NKAIN3: variants seen among roughly 807,000 people sequenced by gnomAD.
NKAIN3 encodes sodium/potassium transporting ATPase interacting 3, also known as sodium/potassium-transporting ATPase subunit beta-1-interacting protein 3.
A neutral mutation model predicts 30.2 loss-of-function variants in NKAIN3; 25 were observed. The ratio of observed to expected loss-of-function variants is 0.83; its 90% CI spans 0.60 to 1.16. The LOEUF is 1.16. Ranked by LOEUF, NKAIN3 falls within the 50% of genes most tolerant of loss-of-function variation. The pLI is 0.00. For synonymous variants in NKAIN3, 91 were observed against 89.6 expected, an observed-to-expected ratio of 1.02 and a Z score of -0.09; for missense variants, 225 against 254.1, an observed-to-expected ratio of 0.89 and a Z score of 0.78.
At chr8:62,753,926 A>G (rs1376543338) in intron 4 of NKAIN3, among the ~76,000 whole-genome samples, 1 of 152,148 alleles carries the variant, frequency 6.6e-6, no homozygotes, top group Non-Finnish European at 1.5e-5. Flanking sequence ...GAAAGTAATA[A>G]CTATGTTAAT....
At chr8:62,619,036 TGGTGTTCAGA>T (rs1194809158) in intron 3 of NKAIN3, among the ~76,000 whole-genome samples, 1 of 152,186 alleles carries the variant, frequency 6.6e-6, no homozygotes, top group Non-Finnish European at 1.5e-5. Context: ...TTGGTGGTAA[TGGTGTTCAGA>T]GGCCTCAGAT....
intron 5 of NKAIN3, among the ~76,000 whole-genome samples, chr8:62,950,605 T>C (rs1225758343): frequency 6.6e-6 from 1 of 151,918 alleles, no homozygotes; most frequent in African/African-American, 2.4e-5. Flanking sequence ...GCAGAGAAGG[T>C]ATAGCCAAAA....
chr8:62,924,412 A>G lies in NKAIN3; in HGVS notation c.532+5899A>G, dbSNP rs1228500749. ...CATATTATTCACCAAGGCTGACCCCATTTCCTAACATAAAGGGAACCCTAC... is the reference window on the plus strand; with the variant it reads ...CATATTATTCACCAAGGCTGACCCCGTTTCCTAACATAAAGGGAACCCTAC... On this transcript the variant is annotated intron_variant, in intron 5 of 6. Coordinates refer to ENST00000623646, the MANE Select transcript of NKAIN3 (RefSeq NM_001304533.3). Among the ~76,000 whole-genome samples, 7 of 152,348 alleles carry G rather than the reference A, an allele frequency of 4.6e-5. No individual in the cohort carries two copies. The East Asian group carries it at 9.7e-4, about 21-fold the overall frequency.
intron 1 of NKAIN3, among the ~76,000 whole-genome samples, chr8:62,522,778 G>A (rs1808196916): frequency 1.3e-5 from 2 of 150,938 alleles, no homozygotes; most frequent in South Asian, 4.2e-4. Context: ...TATAAAATAA[G>A]AGAAGATATT....
intron 1 of NKAIN3, among the ~76,000 whole-genome samples, chr8:62,519,770 A>T (rs998565295): frequency 6.6e-6 from 1 of 152,166 alleles, no homozygotes; most frequent in Non-Finnish European, 1.5e-5. Context: ...AGCCAGTTGC[A>T]TTCAAAATAG....
chr8:62,652,163 T>A (rs919517105), intron 3 of NKAIN3, among the ~76,000 whole-genome samples: 3 of 152,082 alleles, frequency 2.0e-5, no homozygotes, highest in Admixed American at 1.3e-4. Context: ...CCAAATGCCA[T>A]CATCTTGGGG....
At chr8:62,339,590 T>G (rs1233443783) in intron 1 of NKAIN3, among the ~76,000 whole-genome samples, 1 of 152,092 alleles carries the variant, frequency 6.6e-6, no homozygotes, top group African/African-American at 2.4e-5. Flanking sequence ...AAGGGTTCTA[T>G]TTAGTTTTGT....
At chr8:62,549,390 A>C (rs186998358) in intron 1 of NKAIN3, among the ~76,000 whole-genome samples, 1 of 151,800 alleles carries the variant, frequency 6.6e-6, no homozygotes, top group Non-Finnish European at 1.5e-5. Context: ...TTAATTTAAA[A>C]TTTTTTTTTC....
intron 1 of NKAIN3, among the ~76,000 whole-genome samples, chr8:62,554,038 A>G (rs1809307848): frequency 6.6e-6 from 1 of 152,164 alleles, no homozygotes; most frequent in South Asian, 2.1e-4. Context: ...TTGTGTTAGT[A>G]GTTTCCTAAT....
At chr8:62,412,933 A>AAAAAAAG (rs1804304786) in intron 1 of NKAIN3, among the ~76,000 whole-genome samples, 4 of 145,232 alleles carry the variant, frequency 2.8e-5, no homozygotes, top group Non-Finnish European at 4.5e-5. Flanking sequence ...AAAAAAAAAA[A>AAAAAAAG]AACAGCAAAA....
chr8:62,571,447 T>G (rs1809935358), intron 1 of NKAIN3, among the ~76,000 whole-genome samples: 1 of 152,176 alleles, frequency 6.6e-6, no homozygotes, highest in African/African-American at 2.4e-5. Flanking sequence ...GTTGAGTGTC[T>G]GCAGCTTTTC....
chr8:62,889,934 A>T (rs1046911297), intron 4 of NKAIN3, among the ~76,000 whole-genome samples: 1 of 145,172 alleles, frequency 6.9e-6, no homozygotes, highest in East Asian at 2.2e-4. Flanking sequence ...GGAATGGTAT[A>T]AAAAAAAACA....
intron 1 of NKAIN3, among the ~76,000 whole-genome samples, chr8:62,452,840 G>A (rs374949040): frequency 1.3e-5 from 2 of 151,954 alleles, no homozygotes; most frequent in African/African-American, 4.8e-5. Context: ...TGCCAAGTGG[G>A]GTACTCCAAA....
intron 1 of NKAIN3, among the ~76,000 whole-genome samples, chr8:62,552,768 C>T (rs1202183073): frequency 6.6e-6 from 1 of 152,164 alleles, no homozygotes; most frequent in East Asian, 1.9e-4. Flanking sequence ...TTAAAAACGC[C>T]ACTTCTCCCC....
chr8:62,870,311 T>G (rs1474433064), intron 4 of NKAIN3, among the ~76,000 whole-genome samples: 3 of 70,052 alleles, frequency 4.3e-5, no homozygotes, highest in African/African-American at 7.4e-5. Context: ...CATCTATATA[T>G]AGAGAGATAT....
rs1026729412 is a variant in NKAIN3, at chr8:62,804,543, C to CA, written c.471+57419dup. ...TCCAGCATATAAACAGAACCAAAGA[C>CA]AAAAACCACACGATTATCTCAATAG... is the stretch of plus-strand genomic sequence containing the variant. On this transcript the variant is annotated intron_variant, in intron 4 of 6. Coordinates refer to ENST00000623646, the MANE Select transcript of NKAIN3 (RefSeq NM_001304533.3). Among the ~76,000 whole-genome samples the CA allele has an allele frequency of 1.4e-4, 21 of 152,146 alleles. 1 individual carries two copies. Among genetic ancestry groups the CA allele is most frequent in the Admixed American group, 1.2e-3 (19 of 15,260 alleles).
chr8:62,576,170 G>A (rs1343638593), intron 1 of NKAIN3, among the ~76,000 whole-genome samples: 5 of 151,972 alleles, frequency 3.3e-5, no homozygotes, highest in Non-Finnish European at 7.4e-5. Context: ...CAACAAAGTG[G>A]AGGGACAACT....
rs148074995 is a variant in NKAIN3 at position 62,627,727 on chromosome 8, G to A, written c.273+37933G>A. ...CTCATCATTTCCTGGTAAAATAGAG[G>A]ACAAGAAATACACTTTTTGTCATCC... On this transcript the variant is annotated intron_variant, in intron 3 of 6. Coordinates refer to ENST00000623646, the MANE Select transcript of NKAIN3 (RefSeq NM_001304533.3). Among the ~76,000 whole-genome samples the A allele has an allele frequency of 1.5e-4, 23 of 152,154 alleles. 1 individual carries two copies. The highest frequency in any genetic ancestry group is 5.3e-4 in the African/African-American group (22 of 41,518).
At chr8:62,436,583 GTTA>G in intron 1 of NKAIN3, among the ~76,000 whole-genome samples, 1 of 152,094 alleles carries the variant, frequency 6.6e-6, no homozygotes, top group South Asian at 2.1e-4. Flanking sequence ...CTTTTTATTA[GTTA>G]TTAAGTACAT....
Sources: allele counts gnomAD v4.1 joint callset (sites outside exome capture counted in the v4.1 genomes callset), GRCh38; gene constraint gnomAD v4.1.1; transcripts MANE v1.5; gene names NCBI Gene and HGNC (gene_info 2026-07-23, HGNC 2026-07-21).